Variants in RIC8B observed in about 807,000 individuals in gnomAD.
RIC8B encodes chaperone Ric-8B.
RIC8B carries 16 observed loss-of-function variants against 57.5 expected under a neutral mutation model. The ratio of observed to expected loss-of-function variants is 0.28; its 90% CI spans 0.19 to 0.42. The LOEUF is 0.42. RIC8B is among the 10% of genes least tolerant of loss of function. The pLI is 1.00. For synonymous variants in RIC8B, 216 were observed against 250.8 expected (o/e 0.86, Z 1.31); for missense variants, 481 against 677.0 (o/e 0.71, Z 3.21).
In RIC8B at chr12:106,879,167, C is replaced by G; in HGVS notation, c.1572-6737C>G. On this transcript the variant is annotated intron_variant, in intron 9 of 9. Coordinates refer to ENST00000392837, the MANE Select transcript of RIC8B (RefSeq NM_001330145.2). The surrounding 1 kb of genome is among the most constrained non-coding windows in gnomAD (Gnocchi z 4.9). ...TCTTGGGAGATCTGCAAGTGGGAAACAAGAATGCATTTTACCAACTGCTTA... is the reference window on the plus strand; with the variant it reads ...TCTTGGGAGATCTGCAAGTGGGAAAGAAGAATGCATTTTACCAACTGCTTA... 1 of 985,770 alleles carries G rather than the reference C, an allele frequency of 1.0e-6. No individual in the cohort carries two copies. Among genetic ancestry groups the G allele is most frequent in the Non-Finnish European group, 1.2e-6 (1 of 829,884 alleles). 61.1% of individuals were successfully genotyped at this position (985,770 alleles called of 1,614,324 possible). A position where few individuals can be genotyped will look rare whatever the true frequency, so the allele number is the denominator to read the frequency against.
intron 1 of RIC8B, among the ~76,000 whole-genome samples, chr12:106,782,444 TTA>T (rs2043808969): frequency 6.6e-6 from 1 of 152,210 alleles, no homozygotes; most frequent in South Asian, 2.1e-4. Flanking sequence ...TCACAGGGCA[TTA>T]TGTCCTTAGT....
chr12:106,848,097 G>A (rs1949288951), intron 6 of RIC8B, among the ~76,000 whole-genome samples: 1 of 152,196 alleles, frequency 6.6e-6, no homozygotes. Context: ...GTGATATGGA[G>A]TGGTCAGGGA....
intron 2 of RIC8B, among the ~76,000 whole-genome samples, chr12:106,796,100 G>C (rs1041286503): frequency 6.6e-6 from 1 of 152,136 alleles, no homozygotes; most frequent in Non-Finnish European, 1.5e-5. Context: ...CAGATTCAAC[G>C]CAATACCTTT....
At chr12:106,823,367 A>C (rs1442906650) in intron 3 of RIC8B, 1 of 449,454 alleles carries the variant, frequency 2.2e-6, no homozygotes, top group Non-Finnish European at 4.5e-6. Flanking sequence ...AAATAGAGCT[A>C]ATTTAGTGGA....
intron 6 of RIC8B, among the ~76,000 whole-genome samples, chr12:106,848,513 G>C (rs531490542): frequency 3.2e-4 from 48 of 152,308 alleles, no homozygotes; most frequent in Middle Eastern, 6.8e-3. Flanking sequence ...CACTTACAAG[G>C]CTTTGGTATT....
At chr12:106,850,839 G>C (rs1157181310) in intron 6 of RIC8B, among the ~76,000 whole-genome samples, 1 of 152,044 alleles carries the variant, frequency 6.6e-6, no homozygotes, top group Admixed American at 6.6e-5. Flanking sequence ...TCCCAAATCT[G>C]CAACTTTTTG....
rs55853235 is a variant in RIC8B, at chr12:106,803,215, CAAAAA to C, written c.133-11462_133-11458del. Among the ~76,000 whole-genome samples, 200 of 84,010 alleles carry C rather than the reference CAAAAA, an allele frequency of 2.4e-3. 1 individual carries two copies. The highest frequency in any genetic ancestry group is 9.4e-3 in the African/African-American group (190 of 20,284). The allele number at this position is 84,010 out of a possible 152,430, so 55.1% of individuals were successfully genotyped here. A position where few individuals can be genotyped will look rare whatever the true frequency, so the allele number is the denominator to read the frequency against. On this transcript the variant is annotated intron_variant, in intron 2 of 9. Coordinates refer to ENST00000392837, the MANE Select transcript of RIC8B (RefSeq NM_001330145.2). ...TGACAAGAGTGATGATACCCTGTCT[CAAAAA>C]AAAAAAAAAAAAAAAAAAGCAAGTT...
At chr12:106,851,698 G>A in intron 7 of RIC8B, 104 bp downstream of exon 7, 1 of 993,020 alleles carries the variant, frequency 1.0e-6, no homozygotes, top group South Asian at 1.7e-5. Context: ...TCTTTCCAAA[G>A]CTTACTGTCT....
chr12:106,815,172 G>C lies in RIC8B; in HGVS notation c.609G>C (p.Lys203Asn). 1 of 1,614,222 alleles carries C rather than the reference G, an allele frequency of 6.2e-7. No individual in the cohort carries two copies. ...TQILESAFSI[K>N]WTDEYESAID... ...TCTTGGAAAGTGCCTTTAGCATCAA[G>C]TGGACCGATGAGTATGAATCGGCCA... The change falls in exon 3 of 10, where the codon AAG (lysine) becomes AAC (asparagine). Residue 203 changes from lysine (K) to asparagine (N), a missense_variant. Transcript: ENST00000392837.
chr12:106,822,077 C>CAAA (rs67378158), intron 3 of RIC8B, among the ~76,000 whole-genome samples: 1,125 of 37,484 alleles, frequency 0.03, 1 homozygote, highest in Non-Finnish European at 0.034. Flanking sequence ...GACTCCATCT[C>CAAA]AAAAAAAAAA....
intron 3 of RIC8B, among the ~76,000 whole-genome samples, chr12:106,818,315 C>T (rs1367917537): frequency 3.3e-5 from 5 of 151,794 alleles, no homozygotes; most frequent in Non-Finnish European, 5.9e-5. Flanking sequence ...TACAGGCGTG[C>T]GCCACCATGC....
chr12:106,845,816 C>T (rs1248627821), intron 6 of RIC8B, among the ~76,000 whole-genome samples: 1 of 152,144 alleles, frequency 6.6e-6, no homozygotes, highest in Non-Finnish European at 1.5e-5. Context: ...ATGCCTTCCG[C>T]CCCACTGCAA....
In RIC8B at chr12:106,794,677, A is replaced by G. The variant is rs115798244; in HGVS notation, c.132+10633A>G. Among the ~76,000 whole-genome samples, 766 of 152,294 alleles carry G rather than the reference A, an allele frequency of 5.0e-3. 5 individuals carry two copies. Among genetic ancestry groups the G allele is most frequent in the African/African-American group, 0.017 (716 of 41,566 alleles). ...TAAGAATCCTGTATCTAGTAAAGCT[A>G]TTTTTTAACACTGCAAGGGAGATAA... On this transcript the variant is annotated intron_variant, in intron 2 of 9. Coordinates refer to ENST00000392837, the MANE Select transcript of RIC8B (RefSeq NM_001330145.2).
intron 2 of RIC8B, among the ~76,000 whole-genome samples, chr12:106,798,878 T>C (rs2044606272): frequency 6.6e-6 from 1 of 152,200 alleles, no homozygotes; most frequent in Non-Finnish European, 1.5e-5. Context: ...TAAATTGCTG[T>C]CTATTGAAAT....
At chr12:106,808,245 CA>C (rs1204572459) in intron 2 of RIC8B, among the ~76,000 whole-genome samples, 1 of 152,036 alleles carries the variant, frequency 6.6e-6, no homozygotes, top group Non-Finnish European at 1.5e-5. Flanking sequence ...GGAGGTTGTG[CA>C]AAGGTTATAT....
At chr12:106,880,625 C>T (rs747095833) in intron 9 of RIC8B, among the ~76,000 whole-genome samples, 3 of 152,120 alleles carry the variant, frequency 2.0e-5, no homozygotes, top group Non-Finnish European at 4.4e-5. Context: ...GGGGGCTTGA[C>T]TTCTGCTGAA....
chr12:106,833,295 C>T (rs2136368943), intron 4 of RIC8B, among the ~76,000 whole-genome samples: 1 of 152,124 alleles, frequency 6.6e-6, no homozygotes, highest in Admixed American at 6.5e-5. Context: ...TTAAAATTAA[C>T]CTGCCACAAA....
chr12:106,859,739 G>A (rs1476796409), intron 7 of RIC8B, among the ~76,000 whole-genome samples: 4 of 152,084 alleles, frequency 2.6e-5, no homozygotes, highest in East Asian at 1.9e-4. Flanking sequence ...TATGGTTGCC[G>A]ACTTTTTATT....
intron 2 of RIC8B, among the ~76,000 whole-genome samples, 176 bp from the exon 3 acceptor site, chr12:106,814,520 T>C (rs2045484499): frequency 6.6e-6 from 1 of 152,216 alleles, no homozygotes; most frequent in South Asian, 2.1e-4. Context: ...ACTGATTGTC[T>C]TCCATCCTGA....
Sources: gnomAD v4.1 joint callset for allele counts (sites outside exome capture counted in the v4.1 genomes callset) on GRCh38, gnomAD v4.1.1 for gene constraint, Gnocchi (gnomAD v3.1) non-coding constraint, MANE v1.5 for transcripts, NCBI Gene and HGNC (gene_info 2026-07-23, HGNC 2026-07-21) for gene names.